The following LRRC28 variants were observed in gnomAD, a reference collection of about 807,000 sequenced individuals.
LRRC28 encodes leucine-rich repeat-containing protein 28.
LRRC28 carries 39 observed loss-of-function variants against 45.7 expected under a neutral mutation model. The ratio of observed to expected loss-of-function variants is 0.85; its 90% CI spans 0.66 to 1.12. LRRC28 has a LOEUF of 1.12. LRRC28 is among the 50% of genes most tolerant of loss of function. The pLI, the probability that LRRC28 is intolerant of heterozygous loss-of-function variation, is 0.00. For missense variants in LRRC28, 435 were observed against 438.5 expected (o/e 0.99, Z 0.07); for synonymous variants, 206 against 178.8 (o/e 1.15, Z -1.22).
At chr15:99,288,448 C>G (rs1261984440) in intron 5 of LRRC28, among the ~76,000 whole-genome samples, 1 of 133,292 alleles carries the variant, frequency 7.5e-6, no homozygotes, top group Non-Finnish European at 1.5e-5. Context: ...GTGGCACAAT[C>G]TCAGCTCACT....
At chr15:99,253,881 T>G (rs1379201559) in intron 1 of LRRC28, among the ~76,000 whole-genome samples, 1 of 152,188 alleles carries the variant, frequency 6.6e-6, no homozygotes, top group Non-Finnish European at 1.5e-5. Flanking sequence ...TGTGATAGAT[T>G]GGAGGTGGTC....
chr15:99,260,921 T>C (rs572866753), intron 2 of LRRC28, among the ~76,000 whole-genome samples: 98 of 151,996 alleles, frequency 6.4e-4, no homozygotes, highest in African/African-American at 2.2e-3. Flanking sequence ...TTTCTTAACA[T>C]TTTTTGTTTG....
At chr15:99,285,581 G>A (rs1174858845) in intron 3 of LRRC28, 2 of 743,858 alleles carry the variant, frequency 2.7e-6, no homozygotes, top group Non-Finnish European at 4.7e-6. Flanking sequence ...AGACTTGACG[G>A]CAGGGGGAGG....
At chr15:99,263,871 A>T (rs2081265651) in intron 2 of LRRC28, among the ~76,000 whole-genome samples, 1 of 152,188 alleles carries the variant, frequency 6.6e-6, no homozygotes. Context: ...GCTGCTTCTT[A>T]TGGAATTTTC....
intron 6 of LRRC28, among the ~76,000 whole-genome samples, chr15:99,336,707 A>G (rs2041199570): frequency 6.6e-6 from 1 of 152,166 alleles, no homozygotes; most frequent in African/African-American, 2.4e-5. Flanking sequence ...CTTCTGCATC[A>G]ACAGAAATCT....
intron 5 of LRRC28, among the ~76,000 whole-genome samples, chr15:99,290,116 G>T (rs965576642): frequency 6.6e-6 from 1 of 151,714 alleles, no homozygotes; most frequent in Non-Finnish European, 1.5e-5. Flanking sequence ...AAATTAGCCG[G>T]GTGTGGTGGC....
chr15:99,276,511 A>G, intron 2 of LRRC28, 65 bp from the exon 3 acceptor site: 1 of 1,339,780 alleles, frequency 7.5e-7, no homozygotes, highest in South Asian at 1.5e-5. Flanking sequence ...TTTGTATTTA[A>G]ACAAATTAGA....
chr15:99,275,168 G>A (rs2081584841), intron 2 of LRRC28, among the ~76,000 whole-genome samples: 1 of 152,200 alleles, frequency 6.6e-6, no homozygotes, highest in African/African-American at 2.4e-5. Context: ...ATGCAGACTG[G>A]CTTTCAGTTA....
intron 2 of LRRC28, among the ~76,000 whole-genome samples, chr15:99,263,626 T>C (rs922690276): frequency 6.6e-6 from 1 of 152,254 alleles, no homozygotes; most frequent in African/African-American, 2.4e-5. Flanking sequence ...TCTTGCGTTC[T>C]GTACCTTCAC....
intron 3 of LRRC28, among the ~76,000 whole-genome samples, chr15:99,282,449 CA>C (rs1946178253): frequency 6.6e-6 from 1 of 152,090 alleles, no homozygotes. Flanking sequence ...CAGTCATGCA[CA>C]GCATAATTAT....
rs891351144 is a variant in LRRC28 at position 99,265,157 on chromosome 15, AC to A, written c.168+9034del. Among the ~76,000 whole-genome samples, 31 of 152,264 alleles carry A rather than the reference AC, an allele frequency of 2.0e-4. 1 individual carries two copies. The highest frequency in any genetic ancestry group is 1.8e-3 in the Admixed American group (28 of 15,296). Reference sequence around the variant, plus strand: ...AGTTGGTGACTAAGCTTATGGTGGAACCTTCTGCTCGTTTAGGGAACTTTCT... The same window carrying A: ...AGTTGGTGACTAAGCTTATGGTGGAACTTCTGCTCGTTTAGGGAACTTTCT... On this transcript the variant is annotated intron_variant, in intron 2 of 9. Transcript: ENST00000301981.
chr15:99,298,530 G>T (rs2082322401), intron 5 of LRRC28, among the ~76,000 whole-genome samples: 1 of 152,006 alleles, frequency 6.6e-6, no homozygotes, highest in East Asian at 1.9e-4. Flanking sequence ...TAAATAAATT[G>T]CTGAAAATGT....
intron 9 of LRRC28, among the ~76,000 whole-genome samples, chr15:99,376,291 T>G (rs1313848897): frequency 6.6e-6 from 1 of 152,180 alleles, no homozygotes; most frequent in African/African-American, 2.4e-5. Context: ...AAGATTTTCC[T>G]CTTGTCTTTT....
chr15:99,386,030 G>A lies in LRRC28; in HGVS notation c.1032G>A (p.Trp344Ter). The change falls in exon 10 of 10, where the codon TGG (tryptophan) becomes TGA (stop). Residue 344 changes from tryptophan (W) to a stop codon, truncating the protein, a stop_gained and splice_region_variant. Coordinates refer to ENST00000301981, the MANE Select transcript of LRRC28 (RefSeq NM_144598.5). LOFTEE classifies it high-confidence loss of function. Reference sequence around the variant, plus strand: ...CTTCTCTCCCTTTTTCCCCTTCCAGGAAGACAACTGTTAGTTTTGTGGCTT... The same window carrying A: ...CTTCTCTCCCTTTTTCCCCTTCCAGAAAGACAACTGTTAGTTTTGTGGCTT... ...RETPMAGLHQ[W>*]KTTVSFVAYC... The A allele has an allele frequency of 6.2e-7, 1 of 1,613,808 alleles. No homozygotes were observed. The highest frequency in any genetic ancestry group is 1.3e-5 in the African/African-American group (1 of 74,980).
chr15:99,382,853 A>G (rs184130772), intron 9 of LRRC28, among the ~76,000 whole-genome samples: 1 of 151,806 alleles, frequency 6.6e-6, no homozygotes, highest in African/African-American at 2.4e-5. Context: ...TACTTATACT[A>G]ATTTTCTATC....
chr15:99,333,041 T>C (rs1956208595), intron 5 of LRRC28, among the ~76,000 whole-genome samples: 1 of 152,212 alleles, frequency 6.6e-6, no homozygotes, highest in African/African-American at 2.4e-5. Flanking sequence ...AAAGTAGGCT[T>C]GTCCTGCACA....
chr15:99,354,547 A>G (rs1230767003), intron 7 of LRRC28, among the ~76,000 whole-genome samples: 1 of 152,178 alleles, frequency 6.6e-6, no homozygotes, highest in East Asian at 1.9e-4. Flanking sequence ...GCCCTTCTTG[A>G]TTCAGAACAC....
chr15:99,287,461 T>C (rs2081989594), intron 4 of LRRC28, among the ~76,000 whole-genome samples, 167 bp downstream of exon 4: 1 of 152,198 alleles, frequency 6.6e-6, no homozygotes, highest in Non-Finnish European at 1.5e-5. Context: ...AAAATGGTTA[T>C]AATGGTTAGG....
chr15:99,293,612 A>AAAAAAAAAAAAAAAAAAAAAAAAAAAC (rs2082187988), intron 5 of LRRC28, among the ~76,000 whole-genome samples: 1 of 140,040 alleles, frequency 7.1e-6, no homozygotes, highest in Admixed American at 7.1e-5. Context: ...AAAAAAAAAA[A>AAAAAAAAAAAAAAAAAAAAAAAAAAAC]AAAAAAAAAA....
Sources: gnomAD v4.1 joint callset for allele counts (sites outside exome capture counted in the v4.1 genomes callset) on GRCh38, gnomAD v4.1.1 for gene constraint, MANE v1.5 for transcripts, NCBI Gene and HGNC (gene_info 2026-07-23, HGNC 2026-07-21) for gene names.